PKM: variants seen among roughly 807,000 people sequenced by gnomAD.
PKM encodes the protein pyruvate kinase M1/2.
In PKM, 18 loss-of-function variants were observed where a neutral mutation model predicts 49.8. The observed-to-expected ratio is 0.36, with a 90% CI of 0.25 to 0.54. The LOEUF (loss-of-function observed/expected upper bound fraction) is 0.54, where lower values mean the gene tolerates loss of function less well. PKM is among the 20% of genes least tolerant of loss of function. PKM has a pLI of 0.89. For synonymous variants in PKM, 239 were observed against 261.8 expected (o/e 0.91, Z 0.84); for missense variants, 508 against 713.8 (o/e 0.71, Z 3.28).
At chr15:72,203,969 C>T (rs1308772795) in intron 8 of PKM, 1 of 152,200 alleles carries the variant, frequency 6.6e-6, no homozygotes, top group Non-Finnish European at 1.5e-5. Context: ...ACAATGTAAG[C>T]TTTAGAGGAT....
intron 1 of PKM, chr15:72,228,668 G>C: frequency 7.8e-7 from 1 of 1,276,506 alleles, no homozygotes; most frequent in Non-Finnish European, 1.0e-6. Context: ...TTGGTGATAC[G>C]TTACATTTCC....
intron 1 of PKM, chr15:72,229,402 C>T (rs926934661): frequency 6.3e-5 from 25 of 397,540 alleles, no homozygotes; most frequent in Non-Finnish European, 3.0e-5. Context: ...ATGAGTCAAA[C>T]CTGATTCTAA....
intron 1 of PKM, among the ~76,000 whole-genome samples, chr15:72,226,596 T>C (rs2082677460): frequency 6.6e-6 from 1 of 152,022 alleles, no homozygotes; most frequent in Admixed American, 6.6e-5. Flanking sequence ...AAACTGAAGA[T>C]GTTTGGAAGG....
At chr15:72,219,154 G>T in intron 1 of PKM, 44 bp from the exon 2 acceptor site, 1 of 1,563,214 alleles carries the variant, frequency 6.4e-7, no homozygotes, top group South Asian at 1.1e-5. Flanking sequence ...ACTGAGAAGT[G>T]GTTAATATAC....
At chr15:72,213,362 G>C (rs1171726008) in intron 3 of PKM, among the ~76,000 whole-genome samples, 2 of 152,188 alleles carry the variant, frequency 1.3e-5, no homozygotes, top group Non-Finnish European at 2.9e-5. Flanking sequence ...CTAGGCTCTG[G>C]AACAGTTTAA....
chr15:72,207,336 G>A, intron 6 of PKM, 59 bp from the exon 7 acceptor site: 1 of 1,489,828 alleles, frequency 6.7e-7, no homozygotes, highest in Non-Finnish European at 9.4e-7. Context: ...AAGTATGGCA[G>A]TAGACAAGAA....
At chr15:72,229,180 C>T (rs1284044523) in intron 1 of PKM, among the ~76,000 whole-genome samples, 1 of 152,198 alleles carries the variant, frequency 6.6e-6, no homozygotes, top group Non-Finnish European at 1.5e-5. Flanking sequence ...CCCTTATGCT[C>T]AATTGTGGAC....
At chr15:72,199,929 T>A (rs2081897451) in intron 10 of PKM, among the ~76,000 whole-genome samples, 173 bp from the exon 11 acceptor site, 1 of 152,080 alleles carries the variant, frequency 6.6e-6, no homozygotes, top group Admixed American at 6.5e-5. Flanking sequence ...CCCTGAAATG[T>A]CCTTATCACT....
chr15:72,219,117 C>A lies in PKM; in HGVS notation c.-13-7G>T. 1 of 1,609,078 alleles carries A rather than the reference C, an allele frequency of 6.2e-7. No homozygotes were observed. The highest frequency in any genetic ancestry group is 8.5e-7 in the Non-Finnish European group (1 of 1,176,198). On this transcript the variant is annotated splice_polypyrimidine_tract_variant and splice_region_variant and intron_variant, in intron 1 of 10. Transcript: ENST00000335181. Reference sequence around the variant, plus strand: ...CGACATGGCTGCTGAGGTCCTGGGTCGAGACAAATTGAAAGAGAGTGGTAA... The same window carrying A: ...CGACATGGCTGCTGAGGTCCTGGGTAGAGACAAATTGAAAGAGAGTGGTAA...
intron 3 of PKM, among the ~76,000 whole-genome samples, chr15:72,214,781 C>A (rs542378250): frequency 6.6e-6 from 1 of 151,920 alleles, no homozygotes; most frequent in Admixed American, 6.6e-5. Flanking sequence ...GATGACAGAG[C>A]GAGACTCCCT....
At chr15:72,203,834 C>T (rs1298398664) in intron 8 of PKM, 1 of 152,910 alleles carries the variant, frequency 6.5e-6, no homozygotes, top group East Asian at 1.9e-4. Flanking sequence ...GAGACAGATG[C>T]CTGTGGAAGC....
chr15:72,223,273 A>T (rs940260806), intron 1 of PKM, among the ~76,000 whole-genome samples: 3 of 152,144 alleles, frequency 2.0e-5, no homozygotes, highest in African/African-American at 7.2e-5. Flanking sequence ...GGACCAAATC[A>T]TTCTGCCCTA....
rs1443640772 is a variant in PKM at position 72,228,651 on chromosome 15, C to A, written c.-14+2465G>T. ...TCTTCCCCACAGAGCCCCACTCCCC[C>A]ACAGATTTGGTGATACGTTACATTT... On this transcript the variant is annotated intron_variant, in intron 1 of 10. Transcript: ENST00000335181. 5.4e-6 allele frequency: 7 copies of A among 1,284,560 alleles called. No individual in the cohort carries two copies. In the Admixed American group the frequency reaches 1.2e-4, roughly 21 times the overall value. The allele number at this position is 1,284,560 out of a possible 1,614,324, so 79.6% of individuals were successfully genotyped here.
intron 8 of PKM, among the ~76,000 whole-genome samples, chr15:72,205,946 C>T (rs1198883675): frequency 1.3e-5 from 2 of 152,008 alleles, no homozygotes; most frequent in Non-Finnish European, 2.9e-5. Flanking sequence ...GCCAGGCACT[C>T]GACATGACAA....
At chr15:72,220,140 C>G (rs1012386566) in intron 1 of PKM, among the ~76,000 whole-genome samples, 4 of 152,198 alleles carry the variant, frequency 2.6e-5, no homozygotes, top group Non-Finnish European at 5.9e-5. Flanking sequence ...GAAGAACTAT[C>G]AGGTAAGGAT....
chr15:72,225,580 A>G (rs1362692167), intron 1 of PKM, among the ~76,000 whole-genome samples: 2 of 152,124 alleles, frequency 1.3e-5, no homozygotes, highest in East Asian at 3.9e-4. Flanking sequence ...ACTGAACCCT[A>G]TAATATTGTG....
intron 2 of PKM, among the ~76,000 whole-genome samples, chr15:72,218,560 C>A (rs372734953): frequency 6.6e-6 from 1 of 151,466 alleles, no homozygotes; most frequent in African/African-American, 2.4e-5. Flanking sequence ...GCCAGAACTA[C>A]AGGTGCATGC....
At chr15:72,225,410 G>A (rs2082641747) in intron 1 of PKM, among the ~76,000 whole-genome samples, 1 of 151,772 alleles carries the variant, frequency 6.6e-6, no homozygotes, top group African/African-American at 2.4e-5. Context: ...TCGACCTCCT[G>A]GCCTCAAGTG....
At chr15:72,206,607 G>A in intron 8 of PKM, 121 bp downstream of exon 8, 2 of 1,010,984 alleles carry the variant, frequency 2.0e-6, no homozygotes, top group Admixed American at 2.0e-5. Flanking sequence ...CTGTAACTTG[G>A]AGGATAATGA....
Sources: gnomAD v4.1 joint callset for allele counts (sites outside exome capture counted in the v4.1 genomes callset) on GRCh38, gnomAD v4.1.1 for gene constraint, MANE v1.5 for transcripts, NCBI Gene and HGNC (gene_info 2026-07-23, HGNC 2026-07-21) for gene names.